The following AHRR variants were observed in gnomAD, a reference collection of about 807,000 sequenced individuals.
AHRR encodes ahR repressor.
AHRR carries 28 observed loss-of-function variants against 44.0 expected under a neutral mutation model. The ratio of observed to expected loss-of-function variants is 0.64; its 90% CI spans 0.47 to 0.87. The LOEUF (loss-of-function observed/expected upper bound fraction) is 0.87, where lower values mean the gene tolerates loss of function less well. Among genes scored for constraint, AHRR ranks in the 40% least tolerant of loss-of-function variants. The pLI is 0.00. For missense variants in AHRR, 990 were observed against 953.9 expected, an observed-to-expected ratio of 1.04 and a Z score of -0.50; for synonymous variants, 434 against 407.0, an observed-to-expected ratio of 1.07 and a Z score of -0.80.
At chr5:416,178 G>T (rs13166205) in intron 5 of AHRR, among the ~76,000 whole-genome samples, 1 of 152,144 alleles carries the variant, frequency 6.6e-6, no homozygotes. Flanking sequence ...TGCAGGGAGA[G>T]GGAACACCGT....
At position 425,119 on chromosome 5, in the gene AHRR, G is replaced by A. The variant is rs1736324884; in HGVS notation, c.708+1142G>A. ...TGGGCTCAGCTTTCCACCCATTTGT[G>A]GACCCATGACCTCCTGGGGACCTTG... On this transcript the variant is annotated intron_variant, in intron 7 of 10. Transcript: ENST00000684583. Among the ~76,000 whole-genome samples the A allele has an allele frequency of 2.6e-5, 4 of 152,200 alleles. No homozygotes were observed. The South Asian group carries it at 8.3e-4, about 31-fold the overall frequency.
intron 1 of AHRR, among the ~76,000 whole-genome samples, chr5:327,335 T>C (rs1741747301): frequency 6.6e-6 from 1 of 152,208 alleles, no homozygotes; most frequent in Non-Finnish European, 1.5e-5. Context: ...CCAAATAATG[T>C]ACATTGTACT....
At chr5:408,096 G>C (rs1735339318) in intron 4 of AHRR, among the ~76,000 whole-genome samples, 1 of 152,222 alleles carries the variant, frequency 6.6e-6, no homozygotes, top group East Asian at 1.9e-4. Context: ...TCTGCTTTGT[G>C]GTTGTAGTAC....
At chr5:432,739 G>A in intron 9 of AHRR, 67 bp from the exon 10 acceptor site, 1 of 1,612,576 alleles carries the variant, frequency 6.2e-7, no homozygotes, top group Non-Finnish European at 8.5e-7. Flanking sequence ...CTGAGAACAA[G>A]CAACCGTCTT....
rs1560884377 is a variant in AHRR, at chr5:344,686, G to GAC, written c.62+722_62+723insAC. Among the ~76,000 whole-genome samples, 9 of 9,134 alleles carry GAC rather than the reference G, an allele frequency of 9.9e-4. 1 individual carries two copies. The highest frequency in any genetic ancestry group is 2.1e-3 in the Non-Finnish European group (9 of 4,218). The allele number at this position is 9,134 out of a possible 152,430, so 6.0% of individuals were successfully genotyped here. Reference sequence around the variant, plus strand: ...GAGCTGTGTGTGTGTGGGTGTGTGTGTGTGAGGCTGTGGGGGGCTGTGTGT... The same window carrying GAC: ...GAGCTGTGTGTGTGTGGGTGTGTGTGACTGTGAGGCTGTGGGGGGCTGTGTGT... On this transcript the variant is annotated intron_variant, in intron 2 of 10. Transcript: ENST00000684583.
At chr5:376,486 C>T (rs1733647387) in intron 3 of AHRR, 124 bp from the exon 4 acceptor site, 2 of 33,822 alleles carry the variant, frequency 5.9e-5, no homozygotes, top group Non-Finnish European at 1.7e-4. Context: ...GTCAGTGCAG[C>T]CCAGGCCAGA....
At chr5:428,105 C>A in intron 8 of AHRR, 99 bp downstream of exon 8, 2 of 1,343,304 alleles carry the variant, frequency 1.5e-6, no homozygotes, top group South Asian at 1.3e-5. Flanking sequence ...TTCTTCATTT[C>A]CAGCCAGTAA....
chr5:398,024 GTAGCTCCTGACCATCCATGT>G (rs1560907471), intron 4 of AHRR, among the ~76,000 whole-genome samples: 2 of 100,044 alleles, frequency 2.0e-5, no homozygotes, highest in African/African-American at 3.4e-5. Context: ...GACCATCCAC[GTAGCTCCTGACCATCCATGT>G]TAGCCCCTGA....
chr5:343,977 G>A lies in AHRR; in HGVS notation c.62+13G>A, dbSNP rs764361550. ...CCCTGCAGAAACAGTAAAGTATCCC[G>A]CCTTCTGCTTGTGTGGGTTGTTGCA... On this transcript the variant is annotated intron_variant, in intron 2 of 10. Transcript: ENST00000684583. The A allele has an allele frequency of 1.4e-5, 23 of 1,594,170 alleles. No individual in the cohort carries two copies. The highest frequency in any genetic ancestry group is 1.7e-4 in the Middle Eastern group (1 of 6,030).
At chr5:369,116 A>C (rs1396913836) in intron 3 of AHRR, among the ~76,000 whole-genome samples, 1 of 152,002 alleles carries the variant, frequency 6.6e-6, no homozygotes, top group Non-Finnish European at 1.5e-5. Context: ...TTGGAAGCAC[A>C]CTCGCCCATC....
At chr5:345,327 T>G (rs1188414484) in intron 2 of AHRR, among the ~76,000 whole-genome samples, 4 of 37,348 alleles carry the variant, frequency 1.1e-4, no homozygotes, top group African/African-American at 3.8e-4. Flanking sequence ...TGTGTGTGTG[T>G]GTGTGGGGAT....
At chr5:415,936 C>T (rs1211556804) in intron 5 of AHRR, among the ~76,000 whole-genome samples, 1 of 152,176 alleles carries the variant, frequency 6.6e-6, no homozygotes, top group African/African-American at 2.4e-5. Context: ...CTCCTCTAGT[C>T]CGCCTCTAAG....
intron 2 of AHRR, among the ~76,000 whole-genome samples, chr5:345,381 G>GAT: frequency 1.2e-5 from 1 of 85,484 alleles, no homozygotes; most frequent in South Asian, 3.6e-4. Context: ...TGTGTGTGGG[G>GAT]ATGTGTGTGT....
Position 404,265 on chromosome 5 carries a change from C to T in AHRR, c.352-9079C>T. ...ATCTGCTCCATGCATGTTCCCAAAT[C>T]ATTGCCCTTCTCATCAAACATGTGA... On this transcript the variant is annotated intron_variant, in intron 4 of 10. Coordinates refer to ENST00000684583, the MANE Select transcript of AHRR (RefSeq NM_001377236.1). This position sits in a 1 kb window ranked among gnomAD's most constrained non-coding sequence, Gnocchi z 4.1. The T allele has an allele frequency of 2.0e-6, 1 of 501,798 alleles. No homozygotes were observed. Among genetic ancestry groups the T allele is most frequent in the South Asian group, 1.6e-5 (1 of 64,300 alleles). 31.1% of individuals were successfully genotyped at this position (501,798 alleles called of 1,614,324 possible). A position where few individuals can be genotyped will look rare whatever the true frequency, so the allele number is the denominator to read the frequency against.
At position 411,850 on chromosome 5, in the gene AHRR, G is replaced by A. The variant is rs1735477227; in HGVS notation, c.352-1494G>A. On this transcript the variant is annotated intron_variant, in intron 4 of 10. Transcript: ENST00000684583. The surrounding 1 kb of genome is among the most constrained non-coding windows in gnomAD (Gnocchi z 4.2). Reference sequence around the variant, plus strand: ...AAACATTTATGAAAGCTGTGTCCAGGTGACTCAGCCCCCTCACCCCCAGCT... The same window carrying A: ...AAACATTTATGAAAGCTGTGTCCAGATGACTCAGCCCCCTCACCCCCAGCT... Among the ~76,000 whole-genome samples, 1 of 152,208 alleles carries A rather than the reference G, an allele frequency of 6.6e-6. No individual in the cohort carries two copies. The highest frequency in any genetic ancestry group is 2.4e-5 in the African/African-American group (1 of 41,440).
intron 3 of AHRR, among the ~76,000 whole-genome samples, chr5:364,499 G>A (rs1185929579): frequency 2.6e-5 from 4 of 152,046 alleles, no homozygotes; most frequent in Non-Finnish European, 5.9e-5. Context: ...TATCTAATTT[G>A]TAATAAAATT....
chr5:427,565 G>A lies in AHRR; in HGVS notation c.709-242G>A, dbSNP rs988659802. 24 of 1,578,024 alleles carry A rather than the reference G, an allele frequency of 1.5e-5. 1 individual carries two copies. Among genetic ancestry groups the A allele is most frequent in the Middle Eastern group, 2.3e-4 (1 of 4,408 alleles). ...GGGAATGAACCTGTCAAAGGCCGTCGCCGCGGCTCCAGAGAAACTGGGAGT... is the reference window on the plus strand; with the variant it reads ...GGGAATGAACCTGTCAAAGGCCGTCACCGCGGCTCCAGAGAAACTGGGAGT... On this transcript the variant is annotated intron_variant, in intron 7 of 10. Coordinates refer to ENST00000684583, the MANE Select transcript of AHRR (RefSeq NM_001377236.1).
chr5:423,040 G>A (rs1204668088), intron 6 of AHRR, among the ~76,000 whole-genome samples, 182 bp downstream of exon 6: 2 of 152,020 alleles, frequency 1.3e-5, no homozygotes, highest in African/African-American at 2.4e-5. Context: ...CCTCTGATTC[G>A]GCTGCCACAG....
Position 359,460 on chromosome 5 carries a change from G to C in AHRR, c.244+5549G>C, listed in dbSNP as rs181412337. ...GGCTGTGTCCACCTCTATGCGTAGG[G>C]CCGGAGTGCTGACGGGGCACAGAGG... On this transcript the variant is annotated intron_variant, in intron 3 of 10. Transcript: ENST00000684583. Among the ~76,000 whole-genome samples the C allele has an allele frequency of 1.6e-3, 247 of 152,326 alleles. 2 individuals carry two copies. The highest frequency in any genetic ancestry group is 5.6e-3 in the African/African-American group (234 of 41,546).
Sources: gnomAD v4.1 joint callset for allele counts (sites outside exome capture counted in the v4.1 genomes callset) on GRCh38, gnomAD v4.1.1 for gene constraint, Gnocchi (gnomAD v3.1) non-coding constraint, MANE v1.5 for transcripts, NCBI Gene and HGNC (gene_info 2026-07-23, HGNC 2026-07-21) for gene names.